The following PDPR variants were observed in gnomAD, a reference collection of about 807,000 sequenced individuals.
The protein encoded by PDPR is pyruvate dehydrogenase phosphatase regulatory subunit.
A neutral mutation model predicts 102.2 loss-of-function variants in PDPR; 50 were observed. That is an observed-to-expected ratio of 0.49 (90% CI 0.39 to 0.62). The LOEUF is 0.62. Ranked by LOEUF, PDPR falls within the 20% of genes least tolerant of loss-of-function variation. PDPR has a pLI of 0.00. For missense variants in PDPR, 625 were observed against 1,098.2 expected (o/e 0.57, Z 6.09); for synonymous variants, 259 against 406.0 (o/e 0.64, Z 4.35).
intron 15 of PDPR, 57 bp from the exon 16 acceptor site, chr16:70,146,077 C>T: frequency 6.2e-7 from 1 of 1,601,306 alleles, no homozygotes; most frequent in Non-Finnish European, 8.6e-7. Flanking sequence ...TAGACCTTTC[C>T]CATTGGCTCA....
intron 17 of PDPR, among the ~76,000 whole-genome samples, chr16:70,152,813 G>A (rs1403706260): frequency 2.0e-5 from 3 of 152,294 alleles, no homozygotes; most frequent in Non-Finnish European, 4.4e-5. Context: ...TAACGTACAT[G>A]TTTCTGAAAC....
At chr16:70,120,931 C>CT (rs71385643) in intron 3 of PDPR, among the ~76,000 whole-genome samples, 2,177 of 103,160 alleles carry the variant, frequency 0.021, 42 homozygotes, top group Admixed American at 0.039. Context: ...TTTCGTTTTC[C>CT]TTTTTTTTTT....
intron 11 of PDPR, among the ~76,000 whole-genome samples, chr16:70,139,518 C>T (rs909502692): frequency 1.8e-4 from 27 of 152,270 alleles, no homozygotes; most frequent in African/African-American, 6.5e-4. Flanking sequence ...TGACTTTCAC[C>T]ATTAATCCAC....
chr16:70,156,331 C>G (rs1247451016), intron 18 of PDPR, 144 bp from the exon 19 acceptor site: 1 of 1,009,268 alleles, frequency 9.9e-7, no homozygotes, highest in African/African-American at 1.6e-5. Context: ...AGAAATCGCA[C>G]AGTTTCCCAA....
intron 3 of PDPR, among the ~76,000 whole-genome samples, chr16:70,123,403 A>T (rs1963557017): frequency 6.6e-6 from 1 of 152,028 alleles, no homozygotes; most frequent in Non-Finnish European, 1.5e-5. Context: ...TGCCTGGCTA[A>T]TTTTTTGTTT....
chr16:70,142,914 G>C (rs1272613262), intron 13 of PDPR, among the ~76,000 whole-genome samples: 1 of 152,224 alleles, frequency 6.6e-6, no homozygotes, highest in African/African-American at 2.4e-5. Flanking sequence ...CAAAAATTAA[G>C]GCCAGGAGTG....
intron 17 of PDPR, among the ~76,000 whole-genome samples, chr16:70,151,676 CT>C (rs1213496981): frequency 6.6e-6 from 1 of 152,270 alleles, no homozygotes; most frequent in Non-Finnish European, 1.5e-5. Context: ...GCTTGGAGGC[CT>C]TGGTTTCAGC....
intron 3 of PDPR, among the ~76,000 whole-genome samples, chr16:70,124,482 A>G (rs1963713946): frequency 6.6e-6 from 1 of 152,272 alleles, no homozygotes; most frequent in South Asian, 2.1e-4. Context: ...AATGGGTCTT[A>G]AATCTGTCTG....
At chr16:70,129,449 A>G (rs1329658111) in intron 6 of PDPR, among the ~76,000 whole-genome samples, 1 of 152,236 alleles carries the variant, frequency 6.6e-6, no homozygotes, top group Non-Finnish European at 1.5e-5. Context: ...GGTTCATGTG[A>G]TCCTCCTGCT....
chr16:70,122,058 C>G (rs1414896826), intron 3 of PDPR, among the ~76,000 whole-genome samples: 1 of 152,222 alleles, frequency 6.6e-6, no homozygotes, highest in Non-Finnish European at 1.5e-5. Context: ...GCAATTTCTG[C>G]TCACTGCAAC....
At chr16:70,121,766 C>CTT (rs1240965083) in intron 3 of PDPR, among the ~76,000 whole-genome samples, 9 of 146,612 alleles carry the variant, frequency 6.1e-5, no homozygotes, top group African/African-American at 1.5e-4. Context: ...TTCTTATTCC[C>CTT]TTTTTTTTTT....
chr16:70,135,561 C>A (rs1349278630), intron 9 of PDPR, among the ~76,000 whole-genome samples: 2 of 152,278 alleles, frequency 1.3e-5, no homozygotes, highest in African/African-American at 2.4e-5. Flanking sequence ...TTATTAAAAT[C>A]TCTGTGGCCG....
At chr16:70,128,653 C>T (rs1288122311) in intron 4 of PDPR, 131 bp from the exon 5 acceptor site, 2 of 1,529,448 alleles carry the variant, frequency 1.3e-6, no homozygotes, top group Non-Finnish European at 8.8e-7. Flanking sequence ...AGCTGATTTA[C>T]CTGCCCAAGG....
intron 3 of PDPR, among the ~76,000 whole-genome samples, chr16:70,121,847 C>G (rs1049243152): frequency 1.3e-5 from 2 of 152,096 alleles, no homozygotes; most frequent in African/African-American, 4.8e-5. Flanking sequence ...TGACTGTAGC[C>G]TTGACCTCGT....
chr16:70,130,540 G>A lies in PDPR; in HGVS notation c.725G>A (p.Gly242Asp), dbSNP rs775355787. ...IECQYFVNCA[G>D]QWAYELGLSN... ...TGCCAGTATTTTGTCAACTGTGCTG[G>A]CCAGGTAGGTCAGCACCAACACTGC... The change falls in exon 7 of 19, where the codon GGC (glycine) becomes GAC (aspartate). Residue 242 changes from glycine (G) to aspartate (D), a missense_variant. Gly to Asp is a moderately conservative substitution (Grantham distance 94). Around this residue, in one of 11 missense-constraint regions of PDPR, gnomAD observed 35 missense variants for 63.5 expected, o/e 0.55. Coordinates refer to ENST00000288050, the MANE Select transcript of PDPR (RefSeq NM_017990.5). 8.7e-6 allele frequency: 14 copies of A among 1,613,838 alleles called. No individual in the cohort carries two copies. Among genetic ancestry groups the A allele is most frequent in the Non-Finnish European group, 1.2e-5 (14 of 1,179,840 alleles).
At chr16:70,142,929 C>T (rs1965879404) in intron 13 of PDPR, among the ~76,000 whole-genome samples, 1 of 152,226 alleles carries the variant, frequency 6.6e-6, no homozygotes. Context: ...GGAGTGGTGG[C>T]TCATGCCTGT....
chr16:70,153,121 T>C (rs1238329952), intron 17 of PDPR, among the ~76,000 whole-genome samples: 1 of 152,286 alleles, frequency 6.6e-6, no homozygotes, highest in African/African-American at 2.4e-5. Context: ...TATTTAAGAA[T>C]TGCTGTAAGC....
At chr16:70,131,469 G>A (rs1190146787) in intron 8 of PDPR, 50 bp downstream of exon 8, 1 of 1,469,608 alleles carries the variant, frequency 6.8e-7, no homozygotes, top group Admixed American at 1.9e-5. Context: ...CCAGTATCCT[G>A]TCCTCTGAAA....
intron 10 of PDPR, among the ~76,000 whole-genome samples, chr16:70,137,305 G>A (rs1452238788): frequency 3.3e-5 from 5 of 152,220 alleles, no homozygotes; most frequent in African/African-American, 9.6e-5. Context: ...GCAGTGAGCC[G>A]AGATTGCGCC....
Sources: allele counts gnomAD v4.1 joint callset (sites outside exome capture counted in the v4.1 genomes callset), GRCh38; gene constraint gnomAD v4.1.1; regional missense constraint gnomAD v4.1.1; transcripts MANE v1.5; gene names NCBI Gene and HGNC (gene_info 2026-07-23, HGNC 2026-07-21).